Variants in ACBD5 observed in about 807,000 individuals in gnomAD.
The protein encoded by ACBD5 is acyl-CoA-binding domain-containing protein 5.
A neutral mutation model predicts 71.8 loss-of-function variants in ACBD5; 40 were observed. That is an observed-to-expected ratio of 0.56 (90% CI 0.43 to 0.72). ACBD5 has a LOEUF of 0.72. Ranked by LOEUF, ACBD5 falls within the 30% of genes least tolerant of loss-of-function variation. The pLI is 0.00. For synonymous variants in ACBD5, 229 were observed against 218.6 expected, an observed-to-expected ratio of 1.05 and a Z score of -0.42; for missense variants, 559 against 644.5, an observed-to-expected ratio of 0.87 and a Z score of 1.44.
rs757800486 is a variant in ACBD5 at position 27,219,718 on chromosome 10, AT to A, written c.625+4del. On this transcript the variant is annotated splice_donor_region_variant and intron_variant, in intron 6 of 12. Transcript: ENST00000396271. Reference sequence around the variant, plus strand: ...AAAATTACTAACTGATTTTCCAAACATTACCATTATCACTTTGTTCTGCTCC... The same window carrying A: ...AAAATTACTAACTGATTTTCCAAACATACCATTATCACTTTGTTCTGCTCC... The A allele has an allele frequency of 6.2e-7, 1 of 1,613,716 alleles. No individual in the cohort carries two copies. Among genetic ancestry groups the A allele is most frequent in the East Asian group, 2.2e-5 (1 of 44,852 alleles).
intron 4 of ACBD5, among the ~76,000 whole-genome samples, chr10:27,227,009 ATTTTTTTTTT>A (rs56406048): frequency 2.6e-5 from 2 of 78,392 alleles, no homozygotes; most frequent in African/African-American, 5.3e-5. Context: ...TTTTTTTGCG[ATTTTTTTTTT>A]TTTTTTTTTT....
rs1231983523 is a variant in ACBD5, at chr10:27,204,435, C to T, written c.1565+5G>A. The T allele has an allele frequency of 1.2e-6, 2 of 1,605,100 alleles. No individual in the cohort carries two copies. On this transcript the variant is annotated splice_donor_5th_base_variant and intron_variant, in intron 12 of 12. Transcript: ENST00000396271. ...CACCATTTCAAATGATGAAACTGGTCTTACCTTCTCCTTCTTTGATAGTAT... is the reference window on the plus strand; with the variant it reads ...CACCATTTCAAATGATGAAACTGGTTTTACCTTCTCCTTCTTTGATAGTAT...
rs573292565 is a variant in ACBD5, at chr10:27,195,929, G to T, written c.*1501C>A. 4 of 452,282 alleles carry T rather than the reference G, an allele frequency of 8.8e-6. No individual in the cohort carries two copies. In the East Asian group the frequency reaches 2.8e-4, roughly 31 times the overall value. The allele number at this position is 452,282 out of a possible 1,614,324, so 28.0% of individuals were successfully genotyped here. On this transcript the variant is annotated 3_prime_UTR_variant, in exon 13 of 13. Coordinates refer to ENST00000396271, the MANE Select transcript of ACBD5 (RefSeq NM_145698.5). ...AAAAATTATTTGCTACAGGCCAGGT[G>T]CAGTGGCTCACGCCTCTAATCCCAG...
intron 2 of ACBD5, among the ~76,000 whole-genome samples, chr10:27,239,477 A>G (rs1350699843): frequency 1.3e-5 from 2 of 152,244 alleles, no homozygotes; most frequent in Non-Finnish European, 1.5e-5. Context: ...ATAGCACATT[A>G]AATACAAGAA....
intron 4 of ACBD5, among the ~76,000 whole-genome samples, chr10:27,230,534 C>T (rs967555591): frequency 4.6e-5 from 7 of 152,224 alleles, no homozygotes; most frequent in Middle Eastern, 3.4e-3. Context: ...TGGTGGCTAA[C>T]GCCCGTAATC....
At chr10:27,239,194 T>C (rs1379935614) in intron 2 of ACBD5, among the ~76,000 whole-genome samples, 1 of 152,144 alleles carries the variant, frequency 6.6e-6, no homozygotes, top group East Asian at 1.9e-4. Flanking sequence ...CGGAACTCCA[T>C]CTCTAAAGAA....
intron 13 of ACBD5, among the ~76,000 whole-genome samples, chr10:27,190,068 G>A (rs2059016020): frequency 6.6e-6 from 1 of 152,050 alleles, no homozygotes; most frequent in Non-Finnish European, 1.5e-5. Flanking sequence ...GTGGATCACA[G>A]GAGGTCAGGA....
chr10:27,234,900 C>T (rs1292879292), intron 3 of ACBD5, among the ~76,000 whole-genome samples, 192 bp downstream of exon 3: 2 of 151,376 alleles, frequency 1.3e-5, no homozygotes, highest in African/African-American at 4.9e-5. Flanking sequence ...CCACTGCACT[C>T]CAGCCTGGGC....
At chr10:27,208,682 A>G (rs1305892885) in intron 9 of ACBD5, among the ~76,000 whole-genome samples, 1 of 152,164 alleles carries the variant, frequency 6.6e-6, no homozygotes, top group Non-Finnish European at 1.5e-5. Context: ...TACTAAAAAT[A>G]CAAAAATTAG....
intron 4 of ACBD5, among the ~76,000 whole-genome samples, chr10:27,227,309 A>C (rs1009806119): frequency 3.9e-5 from 6 of 152,134 alleles, no homozygotes; most frequent in African/African-American, 1.4e-4. Flanking sequence ...TCATTTCTAC[A>C]TGATGAAAAT....
chr10:27,194,642 T>TAAGAAG (rs983621423), downstream of ACBD5, among the ~76,000 whole-genome samples: 135 of 148,300 alleles, frequency 9.1e-4, no homozygotes, highest in African/African-American at 3.2e-3. Context: ...ATAATAATAA[T>TAAGAAG]AATAATAAGA....
chr10:27,202,393 A>G (rs2060016492), intron 12 of ACBD5, among the ~76,000 whole-genome samples: 1 of 152,218 alleles, frequency 6.6e-6, no homozygotes, highest in Admixed American at 6.5e-5. Flanking sequence ...AAACTTATAA[A>G]GGTTCAATAA....
At chr10:27,235,034 A>T in intron 3 of ACBD5, 58 bp downstream of exon 3, 1 of 1,523,952 alleles carries the variant, frequency 6.6e-7, no homozygotes, top group South Asian at 1.1e-5. Context: ...AGTAATAGCC[A>T]TATGATAATT....
At chr10:27,236,106 C>T (rs1237887256) in intron 2 of ACBD5, among the ~76,000 whole-genome samples, 2 of 69,326 alleles carry the variant, frequency 2.9e-5, no homozygotes, top group Non-Finnish European at 2.7e-5. Flanking sequence ...AGAGAAAGAC[C>T]CTGTCTCAAA....
intron 12 of ACBD5, among the ~76,000 whole-genome samples, chr10:27,202,771 C>T (rs2060052511): frequency 6.6e-6 from 1 of 151,932 alleles, no homozygotes; most frequent in African/African-American, 2.4e-5. Flanking sequence ...AAACATCTCC[C>T]CATAAGCAGC....
In ACBD5 at chr10:27,240,548, G is replaced by A. The variant is rs976060928; in HGVS notation, c.16-64C>T. ...AAAGGAGGAGGCCCGGGAGCGAAGC[G>A]GGTCAGTTCCCCTTTGCCCTGCCCT... On this transcript the variant is annotated intron_variant, in intron 1 of 12. Coordinates refer to ENST00000396271, the MANE Select transcript of ACBD5 (RefSeq NM_145698.5). This position sits in a 1 kb window ranked among gnomAD's most constrained non-coding sequence, Gnocchi z 4.1. The A allele has an allele frequency of 7.1e-6, 11 of 1,550,360 alleles. No individual in the cohort carries two copies. The African/African-American group carries it at 9.6e-5, about 14-fold the overall frequency.
At chr10:27,226,212 C>T (rs572966494) in intron 4 of ACBD5, among the ~76,000 whole-genome samples, 2 of 152,086 alleles carry the variant, frequency 1.3e-5, no homozygotes, top group South Asian at 2.1e-4. Context: ...CAAGGGTATA[C>T]TGTGTGATGC....
At chr10:27,195,103 T>A, downstream of ACBD5, 1 of 283,280 alleles carries the variant, frequency 3.5e-6, no homozygotes, top group South Asian at 3.4e-5. Context: ...TTGTGTGGAA[T>A]AGCATGGCTT....
upstream of ACBD5, among the ~76,000 whole-genome samples, chr10:27,241,053 G>C (rs77673185): frequency 6.6e-6 from 1 of 152,210 alleles, no homozygotes; most frequent in South Asian, 2.1e-4. Flanking sequence ...CGATGTGTCC[G>C]CTCTGGCAGC....
Sources: gnomAD v4.1 joint callset for allele counts (sites outside exome capture counted in the v4.1 genomes callset) on GRCh38, gnomAD v4.1.1 for gene constraint, Gnocchi (gnomAD v3.1) non-coding constraint, MANE v1.5 for transcripts, NCBI Gene and HGNC (gene_info 2026-07-23, HGNC 2026-07-21) for gene names.